Variants in CCDC92 observed in about 807,000 individuals in gnomAD.
CCDC92 encodes coiled-coil domain-containing protein 92.
In CCDC92, 12 loss-of-function variants were observed where a neutral mutation model predicts 24.9. The observed-to-expected ratio is 0.48, with a 90% confidence interval of 0.31 to 0.78. The LOEUF (loss-of-function observed/expected upper bound fraction) is 0.78, where lower values mean the gene tolerates loss of function less well. Ranked by LOEUF, CCDC92 falls within the 30% of genes least tolerant of loss-of-function variation. The pLI, the probability that CCDC92 is intolerant of heterozygous loss-of-function variation, is 0.05. For synonymous variants in CCDC92, 193 were observed against 196.3 expected, an observed-to-expected ratio of 0.98 and a Z score of 0.14; for missense variants, 399 against 439.4, an observed-to-expected ratio of 0.91 and a Z score of 0.82.
intron 2 of CCDC92, 63 bp downstream of exon 2, chr12:123,944,209 T>C (rs2137934539): frequency 9.5e-7 from 1 of 1,055,468 alleles, no homozygotes. Flanking sequence ...CTGTCCCCAA[T>C]GCTTGGCCCC....
intron 1 of CCDC92, among the ~76,000 whole-genome samples, chr12:123,969,351 A>G (rs1956466847): frequency 6.6e-6 from 1 of 152,028 alleles, no homozygotes; most frequent in Admixed American, 6.5e-5. Context: ...ATGTAGGTGG[A>G]TATGACTGGA....
intron 1 of CCDC92, among the ~76,000 whole-genome samples, chr12:123,958,264 G>A (rs141346059): frequency 0.016 from 2,480 of 152,020 alleles, 70 homozygotes; most frequent in African/African-American, 0.057. Flanking sequence ...TGTTGGTCAG[G>A]CTGGTTTCAA....
intron 2 of CCDC92, chr12:123,944,067 G>A (rs1955772295): frequency 3.8e-6 from 2 of 528,546 alleles, no homozygotes; most frequent in African/African-American, 4.0e-5. Context: ...GCCAAAGTAG[G>A]AGGGAGAGAT....
In CCDC92 at chr12:123,943,703, GA is replaced by G; in HGVS notation, c.35-211del. ...CCAGGGACGGCAGCCTCTGCTTCCC[GA>G]ACGCCTTGGGGTGTGCCCTAGCACC... On this transcript the variant is annotated intron_variant, in intron 2 of 4. Transcript: ENST00000238156. 4.9e-6 allele frequency: 3 copies of G among 607,734 alleles called. No homozygotes were observed. The East Asian group carries it at 8.3e-5, about 17-fold the overall frequency. The allele number at this position is 607,734 out of a possible 1,614,324, so 37.6% of individuals were successfully genotyped here.
rs773752200 is a variant in CCDC92 at position 123,937,252 on chromosome 12, TG to T, written c.801del (p.Ile268SerfsTer40). ...LIKERPLVIP[P>X]IASDRSGEQH... ...TGCTCGCCGCTTCGGTCGGAGGCGATGGGGGGGATGACGAGGGGCCTCTCTT... is the reference window on the plus strand; with the variant it reads ...TGCTCGCCGCTTCGGTCGGAGGCGATGGGGGGATGACGAGGGGCCTCTCTT... On this transcript the variant is annotated frameshift_variant, in exon 5 of 5. Coordinates refer to ENST00000238156, the MANE Select transcript of CCDC92 (RefSeq NM_025140.3). LOFTEE classifies it high-confidence loss of function. The surrounding 1 kb of genome is among the most constrained non-coding windows in gnomAD (Gnocchi z 8.4). 6.2e-6 allele frequency: 10 copies of T among 1,610,812 alleles called. No individual in the cohort carries two copies. The highest frequency in any genetic ancestry group is 3.4e-6 in the Non-Finnish European group (4 of 1,179,754).
chr12:123,948,429 A>G (rs1486186007), intron 1 of CCDC92, among the ~76,000 whole-genome samples: 1 of 152,238 alleles, frequency 6.6e-6, no homozygotes, highest in Admixed American at 6.5e-5. Flanking sequence ...CACTCTGTTA[A>G]CTGCAGAAAT....
chr12:123,970,091 A>C (rs1956490935), intron 1 of CCDC92: 1 of 152,190 alleles, frequency 6.6e-6, no homozygotes, highest in South Asian at 2.1e-4. Context: ...CTACTAAAAA[A>C]TCTTCCTAGG....
At chr12:123,941,196 T>G (rs1274164702) in intron 4 of CCDC92, among the ~76,000 whole-genome samples, 1 of 152,210 alleles carries the variant, frequency 6.6e-6, no homozygotes, top group Non-Finnish European at 1.5e-5. Flanking sequence ...CTGGCAGGTG[T>G]GGACGCTGGA....
intron 1 of CCDC92, among the ~76,000 whole-genome samples, chr12:123,947,578 A>G (rs1486052558): frequency 1.3e-5 from 2 of 152,178 alleles, no homozygotes; most frequent in Non-Finnish European, 2.9e-5. Context: ...GACACTCTGT[A>G]TCTAGCTACT....
chr12:123,955,138 A>G (rs1334723095), intron 1 of CCDC92, among the ~76,000 whole-genome samples: 1 of 152,216 alleles, frequency 6.6e-6, no homozygotes, highest in African/African-American at 2.4e-5. Context: ...ATCATTTTCA[A>G]CTTAGTAGAA....
chr12:123,964,809 C>T (rs1230130420), intron 1 of CCDC92, among the ~76,000 whole-genome samples: 1 of 152,198 alleles, frequency 6.6e-6, no homozygotes, highest in African/African-American at 2.4e-5. Flanking sequence ...AAGAGTCACT[C>T]TACTTCCATT....
rs1285855305 is a variant in CCDC92 at position 123,972,789 on chromosome 12, G to A, written c.-320C>T. 1 of 146,134 alleles carries A rather than the reference G, an allele frequency of 6.8e-6. No individual in the cohort carries two copies. Among genetic ancestry groups the A allele is most frequent in the African/African-American group, 2.5e-5 (1 of 40,538 alleles). The allele number at this position is 146,134 out of a possible 1,614,324, so 9.1% of individuals were successfully genotyped here. A position where few individuals can be genotyped will look rare whatever the true frequency, so the allele number is the denominator to read the frequency against. The stretch of plus-strand genomic sequence containing the variant: ...GCCGGCGGCGAGGCCTGGCCGCGCT[G>A]ACCCGGCGGGCTAGGCGCCGGCGCG... On this transcript the variant is annotated 5_prime_UTR_variant, in exon 1 of 5. Transcript: ENST00000238156.
intron 4 of CCDC92, among the ~76,000 whole-genome samples, chr12:123,939,852 T>C (rs1955632356): frequency 6.6e-6 from 1 of 152,204 alleles, no homozygotes; most frequent in African/African-American, 2.4e-5. Context: ...CAACCTGAAA[T>C]GCTGACCTGG....
chr12:123,942,923 T>C, intron 3 of CCDC92, 138 bp from the exon 4 acceptor site: 1 of 730,378 alleles, frequency 1.4e-6, no homozygotes, highest in Non-Finnish European at 2.4e-6. Flanking sequence ...GCAGGAGAGG[T>C]GAGCATGAGA....
At chr12:123,959,104 G>A (rs118075211) in intron 1 of CCDC92, among the ~76,000 whole-genome samples, 1,790 of 152,258 alleles carry the variant, frequency 0.012, 21 homozygotes, top group Non-Finnish European at 0.016. Flanking sequence ...TCTGCCCTTC[G>A]TTAAGGATGC....
chr12:123,937,515 G>A lies in CCDC92; in HGVS notation c.539C>T (p.Pro180Leu), dbSNP rs1437247239. 23 of 1,612,174 alleles carry A rather than the reference G, an allele frequency of 1.4e-5. No homozygotes were observed. Among genetic ancestry groups the A allele is most frequent in the Middle Eastern group, 1.6e-4 (1 of 6,082 alleles). ...GCTGGCCAGCACGGGGCTCCCTGAC[G>A]GGCTGGCATCTGAGGTCCCGCTGGA... ...MSSSGTSDAS[P>L]SGSPVLASYK... The change falls in exon 5 of 5, where the codon CCG becomes CTG. Residue 180 changes from proline (P) to leucine (L), a missense_variant. Physicochemically the swap from Pro to Leu is moderately conservative, Grantham distance 98. Coordinates refer to ENST00000238156, the MANE Select transcript of CCDC92 (RefSeq NM_025140.3). The surrounding 1 kb of genome is among the most constrained non-coding windows in gnomAD (Gnocchi z 8.4).
intron 1 of CCDC92, among the ~76,000 whole-genome samples, chr12:123,959,501 C>T (rs184220983): frequency 7.7e-4 from 118 of 152,292 alleles, no homozygotes; most frequent in Non-Finnish European, 1.4e-3. Context: ...GACAAGGTTT[C>T]ACCATGTTGG....
chr12:123,971,938 G>A (rs1347384619), intron 1 of CCDC92: 1 of 152,314 alleles, frequency 6.6e-6, no homozygotes, highest in South Asian at 2.1e-4. Flanking sequence ...TGTCAGGGAG[G>A]GTCTCTAAGG....
rs1955492790 is a variant in CCDC92, at chr12:123,936,407, A to C, written c.*651T>G. 6.5e-6 allele frequency: 1 copy of C among 152,846 alleles called. No individual in the cohort carries two copies. Among genetic ancestry groups the C allele is most frequent in the South Asian group, 2.1e-4 (1 of 4,842 alleles). The allele number at this position is 152,846 out of a possible 1,614,324, so 9.5% of individuals were successfully genotyped here. A position where few individuals can be genotyped will look rare whatever the true frequency, so the allele number is the denominator to read the frequency against. Reference sequence around the variant, plus strand: ...TAATAAAAGACACAAAACAGAAGGAAGGCAGGTTTAGAAAATAAAGTTTGT... The same window carrying C: ...TAATAAAAGACACAAAACAGAAGGACGGCAGGTTTAGAAAATAAAGTTTGT... On this transcript the variant is annotated 3_prime_UTR_variant, in exon 5 of 5. Coordinates refer to ENST00000238156, the MANE Select transcript of CCDC92 (RefSeq NM_025140.3).
Sources: allele counts gnomAD v4.1 joint callset (sites outside exome capture counted in the v4.1 genomes callset), GRCh38; gene constraint gnomAD v4.1.1; non-coding constraint Gnocchi (gnomAD v3.1); transcripts MANE v1.5; gene names NCBI Gene and HGNC (gene_info 2026-07-23, HGNC 2026-07-21).